DISC1: variants seen among roughly 807,000 people sequenced by gnomAD.
DISC1 encodes the protein DISC1 scaffold protein.
Under a neutral mutation model 84.5 loss-of-function variants are expected in DISC1, and 57 were observed. The ratio of observed to expected loss-of-function variants is 0.67; its 90% confidence interval spans 0.55 to 0.84. The LOEUF (loss-of-function observed/expected upper bound fraction) is 0.84. Ranked by LOEUF, DISC1 falls within the 40% of genes least tolerant of loss-of-function variation. The pLI is 0.00. For missense variants in DISC1, 1,000 were observed against 1,057.8 expected (o/e 0.95, Z 0.76); for synonymous variants, 411 against 415.2 (o/e 0.99, Z 0.12).
At chr1:231,855,961 A>G (rs1045949307) in intron 9 of DISC1, among the ~76,000 whole-genome samples, 2 of 152,256 alleles carry the variant, frequency 1.3e-5, no homozygotes, top group African/African-American at 4.8e-5. Flanking sequence ...CACTTTGAAC[A>G]TGAAAGTCGT....
rs151258388 is a variant in DISC1 at position 231,946,447 on chromosome 1, C to T, written c.1982-12381C>T. 7.9e-3 allele frequency among the ~76,000 whole-genome samples: 1,204 copies of T among 152,154 alleles called. 33 individuals are homozygous for T. The highest frequency in any genetic ancestry group is 0.065 in the Admixed American group (1,000 of 15,282). On this transcript the variant is annotated intron_variant, in intron 9 of 12. Coordinates refer to ENST00000439617, the MANE Select transcript of DISC1 (RefSeq NM_018662.3). ...TAAAAACTCTCAATAAACTAGGTAT[C>T]GATGGAATGTATCTCAAAATAATAA...
intron 9 of DISC1, among the ~76,000 whole-genome samples, chr1:231,850,162 T>C (rs1219193458): frequency 6.6e-6 from 1 of 152,176 alleles, no homozygotes; most frequent in Non-Finnish European, 1.5e-5. Flanking sequence ...GACTGCATAA[T>C]TGGTGCATGT....
At chr1:231,713,749 GATAT>G (rs1055850789) in intron 3 of DISC1, among the ~76,000 whole-genome samples, 24 of 71,314 alleles carry the variant, frequency 3.4e-4, no homozygotes, top group Admixed American at 8.9e-4. Context: ...ATATATAGGA[GATAT>G]ATATATAGGA....
chr1:231,783,636 A>C (rs1558537891), intron 6 of DISC1, among the ~76,000 whole-genome samples: 1 of 152,190 alleles, frequency 6.6e-6, no homozygotes, highest in Non-Finnish European at 1.5e-5. Context: ...ATGAAACTGG[A>C]CTTCAATGCA....
At chr1:232,016,485 A>G (rs1455875444) in intron 11 of DISC1, among the ~76,000 whole-genome samples, 1 of 152,222 alleles carries the variant, frequency 6.6e-6, no homozygotes, top group Non-Finnish European at 1.5e-5. Flanking sequence ...TTATTTTCTC[A>G]GAGGGTTCTA....
At chr1:231,938,411 C>G (rs2091109316) in intron 9 of DISC1, among the ~76,000 whole-genome samples, 1 of 152,080 alleles carries the variant, frequency 6.6e-6, no homozygotes, top group Non-Finnish European at 1.5e-5. Flanking sequence ...GAAGGGGGGC[C>G]CATGAGGCAG....
chr1:231,700,552 T>A (rs2066283716), intron 2 of DISC1, among the ~76,000 whole-genome samples: 1 of 152,224 alleles, frequency 6.6e-6, no homozygotes, highest in Non-Finnish European at 1.5e-5. Flanking sequence ...CTATTAGTAG[T>A]TAAGTTTTGG....
At chr1:231,749,856 A>G (rs1016505691) in intron 3 of DISC1, 70 bp from the exon 4 acceptor site, 2 of 1,605,674 alleles carry the variant, frequency 1.2e-6, no homozygotes, top group African/African-American at 2.7e-5. Context: ...TGGAGCTAAG[A>G]GACACCGGGG....
At chr1:231,795,416 C>A in intron 7 of DISC1, 120 bp downstream of exon 7, 1 of 872,780 alleles carries the variant, frequency 1.1e-6, no homozygotes, top group Non-Finnish European at 1.8e-6. Flanking sequence ...CTTTGTCAAG[C>A]CATTTTGCAG....
At chr1:231,905,763 T>C (rs551530892) in intron 9 of DISC1, among the ~76,000 whole-genome samples, 6 of 152,244 alleles carry the variant, frequency 3.9e-5, no homozygotes, top group African/African-American at 1.4e-4. Flanking sequence ...TCAGGACATT[T>C]GGCAACATTT....
chr1:231,982,872 C>A (rs1663816676), intron 10 of DISC1, among the ~76,000 whole-genome samples: 1 of 152,156 alleles, frequency 6.6e-6, no homozygotes. Flanking sequence ...AAGGACAGAT[C>A]AGGACACAGA....
At chr1:231,741,780 C>T (rs2073311341) in intron 3 of DISC1, among the ~76,000 whole-genome samples, 1 of 152,214 alleles carries the variant, frequency 6.6e-6, no homozygotes, top group East Asian at 1.9e-4. Flanking sequence ...CTGCTCCCAG[C>T]TCCTCTCACA....
At chr1:231,919,050 A>C (rs558423474) in intron 9 of DISC1, among the ~76,000 whole-genome samples, 1 of 152,314 alleles carries the variant, frequency 6.6e-6, no homozygotes, top group African/African-American at 2.4e-5. Context: ...TGCTTAACTC[A>C]TCCATCATTT....
chr1:231,955,602 G>A (rs1659349221), intron 9 of DISC1, among the ~76,000 whole-genome samples: 1 of 150,678 alleles, frequency 6.6e-6, no homozygotes, highest in African/African-American at 2.4e-5. Context: ...GGATTCTTCT[G>A]TCTCAGCCTC....
At chr1:231,886,803 CTTTCT>C (rs2086773627) in intron 9 of DISC1, among the ~76,000 whole-genome samples, 1 of 138,914 alleles carries the variant, frequency 7.2e-6, no homozygotes, top group African/African-American at 2.7e-5. Flanking sequence ...TTCTTTCTTT[CTTTCT>C]TTCTTTCTTT....
intron 9 of DISC1, among the ~76,000 whole-genome samples, chr1:231,866,206 A>T (rs2085043473): frequency 6.6e-6 from 1 of 152,066 alleles, no homozygotes; most frequent in Non-Finnish European, 1.5e-5. Flanking sequence ...AGAGCTTCCT[A>T]TGGGAGCTGT....
At position 231,759,752 on chromosome 1, in the gene DISC1, G is replaced by A. The variant is rs561161075; in HGVS notation, c.1269-7388G>A. 2.6e-5 allele frequency among the ~76,000 whole-genome samples: 4 copies of A among 152,122 alleles called. No homozygotes were observed. The South Asian group carries it at 6.2e-4, about 24-fold the overall frequency. On this transcript the variant is annotated intron_variant, in intron 4 of 12. Coordinates refer to ENST00000439617, the MANE Select transcript of DISC1 (RefSeq NM_018662.3). ...TACCAACAAACCAGGATATATTTCT[G>A]AACCCCAAATCAGATCAGGAGATGG...
At chr1:231,902,848 A>G (rs1005755794) in intron 9 of DISC1, among the ~76,000 whole-genome samples, 3 of 152,122 alleles carry the variant, frequency 2.0e-5, no homozygotes, top group Non-Finnish European at 4.4e-5. Flanking sequence ...CACCAACATG[A>G]TGCTCAAATA....
chr1:231,721,472 A>G (rs1362507400), intron 3 of DISC1, among the ~76,000 whole-genome samples: 1 of 152,248 alleles, frequency 6.6e-6, no homozygotes, highest in Non-Finnish European at 1.5e-5. Flanking sequence ...TTATGAAATC[A>G]GATATATCAA....
Sources: gnomAD v4.1 joint callset for allele counts (sites outside exome capture counted in the v4.1 genomes callset) on GRCh38, gnomAD v4.1.1 for gene constraint, MANE v1.5 for transcripts, NCBI Gene and HGNC (gene_info 2026-07-23, HGNC 2026-07-21) for gene names.